Variants in MROH9 observed in about 807,000 individuals in gnomAD.
MROH9 encodes maestro heat-like repeat-containing protein family member 9.
A neutral mutation model predicts 98.2 loss-of-function variants in MROH9; 92 were observed. The ratio of observed to expected loss-of-function variants is 0.94; its 90% confidence interval spans 0.79 to 1.11. MROH9 has a LOEUF of 1.11. Among genes scored for constraint, MROH9 ranks in the 50% most tolerant of loss-of-function variants. MROH9 has a pLI of 0.00. For synonymous variants in MROH9, 397 were observed against 368.9 expected, an observed-to-expected ratio of 1.08 and a Z score of -0.87; for missense variants, 1,057 against 1,014.8, an observed-to-expected ratio of 1.04 and a Z score of -0.57.
chr1:171,030,258 T>G (rs1652863998), intron 20 of MROH9, among the ~76,000 whole-genome samples: 1 of 152,182 alleles, frequency 6.6e-6, no homozygotes, highest in Non-Finnish European at 1.5e-5. Context: ...TTATTGTTTT[T>G]TTGGAGGGCT....
intron 12 of MROH9, among the ~76,000 whole-genome samples, chr1:170,995,080 G>A (rs1406553432): frequency 6.6e-6 from 1 of 151,980 alleles, no homozygotes; most frequent in African/African-American, 2.4e-5. Context: ...GCTCTTCATG[G>A]CCACATAGGA....
chr1:170,951,535 A>G (rs1649551537), intron 3 of MROH9, among the ~76,000 whole-genome samples: 1 of 152,144 alleles, frequency 6.6e-6, no homozygotes, highest in Admixed American at 6.5e-5. Flanking sequence ...GGCTCATTGG[A>G]AACAAAACAT....
chr1:171,018,348 C>CA (rs1350546832), intron 17 of MROH9, among the ~76,000 whole-genome samples: 3 of 150,822 alleles, frequency 2.0e-5, no homozygotes, highest in African/African-American at 7.3e-5. Context: ...CAGAAAGCAA[C>CA]AACAGCACCA....
chr1:170,945,735 C>T (rs1006733773), intron 2 of MROH9, among the ~76,000 whole-genome samples, 154 bp downstream of exon 2: 3 of 151,884 alleles, frequency 2.0e-5, no homozygotes, highest in Non-Finnish European at 4.4e-5. Flanking sequence ...AGAACGTTCA[C>T]AAAAGTAACC....
chr1:170,969,516 G>C (rs377481472), intron 7 of MROH9, among the ~76,000 whole-genome samples: 1 of 152,154 alleles, frequency 6.6e-6, no homozygotes, highest in African/African-American at 2.4e-5. Context: ...GAATTGTGGC[G>C]AAGTGGAAGA....
At chr1:171,018,922 T>G (rs1267939519) in intron 17 of MROH9, among the ~76,000 whole-genome samples, 1 of 151,624 alleles carries the variant, frequency 6.6e-6, no homozygotes, top group Non-Finnish European at 1.5e-5. Flanking sequence ...GACAGCAAAT[T>G]AACAGGATAT....
At chr1:170,954,198 G>A (rs56894374) in intron 3 of MROH9, among the ~76,000 whole-genome samples, 1 of 151,884 alleles carries the variant, frequency 6.6e-6, no homozygotes, top group Non-Finnish European at 1.5e-5. Flanking sequence ...CAATCCAACT[G>A]CTCCAGCCAT....
chr1:171,014,895 G>A, intron 16 of MROH9: 2 of 448,852 alleles, frequency 4.5e-6, no homozygotes, highest in South Asian at 3.3e-5. Context: ...TCTGGGGTGG[G>A]CCCACCAATC....
chr1:171,045,799 A>G (rs974898462), intron 20 of MROH9, among the ~76,000 whole-genome samples: 1 of 152,142 alleles, frequency 6.6e-6, no homozygotes, highest in African/African-American at 2.4e-5. Context: ...TTAAATATAT[A>G]TTAGATCCAT....
At chr1:170,975,176 G>A (rs1006463799) in intron 8 of MROH9, among the ~76,000 whole-genome samples, 3 of 152,012 alleles carry the variant, frequency 2.0e-5, no homozygotes, top group African/African-American at 4.8e-5. Flanking sequence ...AAGGCAGATT[G>A]TCAGACTGAA....
chr1:171,000,933 T>C (rs1444841295), intron 15 of MROH9, among the ~76,000 whole-genome samples: 1 of 152,098 alleles, frequency 6.6e-6, no homozygotes, highest in Non-Finnish European at 1.5e-5. Context: ...TATTGGTCTG[T>C]TCAGGATATC....
At chr1:171,036,886 CA>C (rs1653117153) in intron 20 of MROH9, among the ~76,000 whole-genome samples, 1 of 150,138 alleles carries the variant, frequency 6.7e-6, no homozygotes, top group Non-Finnish European at 1.5e-5. Flanking sequence ...ACTACTAAAA[CA>C]TTATTTGGGA....
At position 170,965,657 on chromosome 1, in the gene MROH9, T is replaced by C. The variant is rs919689810; in HGVS notation, c.480+402T>C. ...TACAAGTAATCCTCAAGTTCTTTCA[T>C]TGTGAAACATGCTAGAGGTAGAGCA... is the stretch of plus-strand genomic sequence containing the variant. On this transcript the variant is annotated intron_variant, in intron 7 of 21. Transcript: ENST00000367759. Among the ~76,000 whole-genome samples the C allele has an allele frequency of 3.9e-5, 6 of 152,110 alleles. No homozygotes were observed. The East Asian group carries it at 7.7e-4, about 20-fold the overall frequency.
chr1:171,018,245 C>T (rs1389524018), intron 17 of MROH9, among the ~76,000 whole-genome samples: 1 of 151,822 alleles, frequency 6.6e-6, no homozygotes, highest in Non-Finnish European at 1.5e-5. Flanking sequence ...GACATGGGAG[C>T]AAATCAGATG....
chr1:171,040,948 T>C (rs978517450), intron 20 of MROH9, among the ~76,000 whole-genome samples: 4 of 152,116 alleles, frequency 2.6e-5, no homozygotes, highest in African/African-American at 9.7e-5. Flanking sequence ...GGCTCTGTTA[T>C]AATATATATC....
chr1:170,983,634 CG>C (rs1397289892), intron 9 of MROH9, 100 bp downstream of exon 9: 5 of 726,126 alleles, frequency 6.9e-6, no homozygotes, highest in African/African-American at 3.6e-5. Context: ...AGTATTTTTT[CG>C]TTTTTTTTTA....
intron 20 of MROH9, among the ~76,000 whole-genome samples, chr1:171,038,063 G>A (rs1242085014): frequency 6.6e-6 from 1 of 151,934 alleles, no homozygotes; most frequent in East Asian, 1.9e-4. Context: ...AAGCCATAAA[G>A]AAAAGATTGA....
At chr1:170,957,975 A>C (rs1649839409) in intron 3 of MROH9, among the ~76,000 whole-genome samples, 1 of 151,046 alleles carries the variant, frequency 6.6e-6, no homozygotes, top group South Asian at 2.1e-4. Context: ...CGCCCGGCTA[A>C]TTTTTTTCTA....
chr1:170,974,939 A>C (rs1650622798), intron 8 of MROH9, among the ~76,000 whole-genome samples: 1 of 152,238 alleles, frequency 6.6e-6, no homozygotes, highest in African/African-American at 2.4e-5. Flanking sequence ...TAAACTAATA[A>C]GTTAAGGATG....
Sources: gnomAD v4.1 joint callset for allele counts (sites outside exome capture counted in the v4.1 genomes callset) on GRCh38, gnomAD v4.1.1 for gene constraint, MANE v1.5 for transcripts, NCBI Gene and HGNC (gene_info 2026-07-23, HGNC 2026-07-21) for gene names.